The following GALNTL6 variants were observed in gnomAD, a reference collection of about 807,000 sequenced individuals.
GALNTL6 encodes polypeptide N-acetylgalactosaminyltransferase like 6.
A neutral mutation model predicts 73.7 loss-of-function variants in GALNTL6; 46 were observed. That is an observed-to-expected ratio of 0.62 (90% confidence interval 0.49 to 0.80). The LOEUF is 0.80. GALNTL6 is among the 30% of genes least tolerant of loss of function. The pLI is 0.00. For synonymous variants in GALNTL6, 259 were observed against 263.7 expected (o/e 0.98, Z 0.17); for missense variants, 604 against 755.0 (o/e 0.80, Z 2.34).
chr4:172,752,160 G>C (rs1737463593), intron 5 of GALNTL6, among the ~76,000 whole-genome samples: 1 of 151,470 alleles, frequency 6.6e-6, no homozygotes, highest in South Asian at 2.1e-4. Context: ...TGGTAAGCTT[G>C]TTTAATCACC....
intron 7 of GALNTL6, among the ~76,000 whole-genome samples, chr4:172,877,914 A>G (rs574103160): frequency 6.6e-6 from 1 of 152,150 alleles, no homozygotes; most frequent in East Asian, 1.9e-4. Flanking sequence ...ATTAAAACAC[A>G]CCTGCAATGT....
chr4:172,283,074 T>C (rs538713466), intron 3 of GALNTL6, among the ~76,000 whole-genome samples: 1 of 152,222 alleles, frequency 6.6e-6, no homozygotes. Context: ...AAGGAGAAAA[T>C]AGCATGGACC....
intron 3 of GALNTL6, among the ~76,000 whole-genome samples, chr4:172,252,289 C>T (rs1212753959): frequency 6.6e-6 from 1 of 151,930 alleles, no homozygotes; most frequent in Non-Finnish European, 1.5e-5. Flanking sequence ...AGGCTCTTGG[C>T]AGAAATAAAT....
intron 5 of GALNTL6, among the ~76,000 whole-genome samples, chr4:172,587,341 C>T (rs952190071): frequency 7.9e-5 from 12 of 152,194 alleles, no homozygotes; most frequent in Non-Finnish European, 1.5e-4. Context: ...CATTATTCCC[C>T]ACCCATTAGA....
At chr4:171,953,225 CGTGTGTGTGTGTGT>C (rs36214606) in intron 2 of GALNTL6, among the ~76,000 whole-genome samples, 18 of 147,124 alleles carry the variant, frequency 1.2e-4, no homozygotes, top group East Asian at 4.1e-4. Flanking sequence ...CGCATGCGCA[CGTGTGTGTGTGTGT>C]GTGTGTGTGT....
intron 5 of GALNTL6, among the ~76,000 whole-genome samples, chr4:172,630,805 C>T (rs556528840): frequency 1.4e-5 from 2 of 148,028 alleles, no homozygotes; most frequent in East Asian, 4.1e-4. Flanking sequence ...TTCTGATTCC[C>T]TCTAATTATA....
At chr4:172,359,764 G>A (rs1742298619) in intron 5 of GALNTL6, among the ~76,000 whole-genome samples, 1 of 152,100 alleles carries the variant, frequency 6.6e-6, no homozygotes, top group African/African-American at 2.4e-5. Context: ...ACCCCATATT[G>A]AATACAGGCA....
chr4:172,671,794 C>G (rs1305146016), intron 5 of GALNTL6, among the ~76,000 whole-genome samples: 1 of 152,018 alleles, frequency 6.6e-6, no homozygotes, highest in African/African-American at 2.4e-5. Context: ...TGTGGGTGTG[C>G]CATATATGGC....
At chr4:172,127,460 G>C (rs1382887465) in intron 2 of GALNTL6, among the ~76,000 whole-genome samples, 2 of 152,210 alleles carry the variant, frequency 1.3e-5, no homozygotes, top group Non-Finnish European at 2.9e-5. Flanking sequence ...GCCAACACCA[G>C]CACAGACCAC....
At chr4:172,401,953 GGAGAGA>G (rs70944407) in intron 5 of GALNTL6, among the ~76,000 whole-genome samples, 1,907 of 92,214 alleles carry the variant, frequency 0.021, 42 homozygotes, top group African/African-American at 0.08. Context: ...GGGGGAGGGG[GGAGAGA>G]GAGAGAGAGA....
chr4:173,019,851 C>T (rs1247764717), intron 11 of GALNTL6, among the ~76,000 whole-genome samples: 2 of 152,212 alleles, frequency 1.3e-5, no homozygotes, highest in Non-Finnish European at 2.9e-5. Context: ...ACTTAACTAT[C>T]TTTGTTAGCC....
chr4:172,397,318 T>C (rs1387750873), intron 5 of GALNTL6, among the ~76,000 whole-genome samples: 2 of 152,160 alleles, frequency 1.3e-5, no homozygotes, highest in Non-Finnish European at 2.9e-5. Context: ...ATGATTAAGA[T>C]AATAAAAGCA....
chr4:172,838,087 A>G (rs192352432), intron 7 of GALNTL6, among the ~76,000 whole-genome samples: 30 of 152,012 alleles, frequency 2.0e-4, no homozygotes, highest in African/African-American at 6.8e-4. Context: ...CTCGCACAGC[A>G]TGGAAACATG....
At chr4:172,676,076 A>G (rs1448722717) in intron 5 of GALNTL6, among the ~76,000 whole-genome samples, 1 of 152,262 alleles carries the variant, frequency 6.6e-6, no homozygotes, top group Non-Finnish European at 1.5e-5. Flanking sequence ...AGAACAAAAA[A>G]GTATAATTTG....
At chr4:172,299,071 C>T (rs1739803458) in intron 3 of GALNTL6, among the ~76,000 whole-genome samples, 1 of 152,158 alleles carries the variant, frequency 6.6e-6, no homozygotes, top group African/African-American at 2.4e-5. Context: ...TTCAGAGATT[C>T]AACTTCTTCC....
At chr4:172,482,107 T>G (rs1167674154) in intron 5 of GALNTL6, among the ~76,000 whole-genome samples, 6 of 152,134 alleles carry the variant, frequency 3.9e-5, no homozygotes, top group African/African-American at 9.7e-5. Context: ...CCACAGCTGC[T>G]GGCCCGGGTG....
At chr4:172,409,357 A>T (rs1418043834) in intron 5 of GALNTL6, among the ~76,000 whole-genome samples, 1 of 152,054 alleles carries the variant, frequency 6.6e-6, no homozygotes, top group Non-Finnish European at 1.5e-5. Context: ...TATAGCTCAT[A>T]GGACTTAAAG....
At chr4:172,847,514 T>C (rs1743578068) in intron 7 of GALNTL6, among the ~76,000 whole-genome samples, 1 of 152,012 alleles carries the variant, frequency 6.6e-6, no homozygotes, top group Admixed American at 6.6e-5. Context: ...TTATTATTAT[T>C]TTATTCTAAG....
intron 5 of GALNTL6, among the ~76,000 whole-genome samples, chr4:172,633,478 G>A (rs541629689): frequency 1.5e-4 from 23 of 152,214 alleles, no homozygotes; most frequent in Non-Finnish European, 2.4e-4. Flanking sequence ...TGGAATGGGT[G>A]TATTTATCCC....
Sources: gnomAD v4.1 joint callset for allele counts (sites outside exome capture counted in the v4.1 genomes callset) on GRCh38, gnomAD v4.1.1 for gene constraint, MANE v1.5 for transcripts, NCBI Gene and HGNC (gene_info 2026-07-23, HGNC 2026-07-21) for gene names.